SYNE2: variants seen among roughly 807,000 people sequenced by gnomAD.
The protein encoded by SYNE2 is nesprin-2.
SYNE2 carries 431 observed loss-of-function variants against 856.3 expected under a neutral mutation model. That is an observed-to-expected ratio of 0.50 (90% CI 0.47 to 0.55). The LOEUF (loss-of-function observed/expected upper bound fraction) is 0.55. Ranked by LOEUF, SYNE2 falls within the 20% of genes least tolerant of loss-of-function variation. The pLI, the probability that SYNE2 is intolerant of heterozygous loss-of-function variation, is 0.00. For missense variants in SYNE2, 8,129 were observed against 8,023.2 expected (o/e 1.01, Z -0.50); for synonymous variants, 2,923 against 2,872.3 (o/e 1.02, Z -0.56).
intron 55 of SYNE2, among the ~76,000 whole-genome samples, chr14:64,079,945 A>G (rs1033179233): frequency 6.6e-6 from 1 of 152,092 alleles, no homozygotes; most frequent in African/African-American, 2.4e-5. Context: ...AGCAGCCCAC[A>G]CACCTTGGCC....
At chr14:63,761,979 C>A in exon 1 of SYNE2, 3 of 379,334 alleles carry the variant, frequency 7.9e-6, no homozygotes, top group Admixed American at 2.7e-5. Flanking sequence ...CCAGTGACAG[C>A]GTGAGAGGTA....
At chr14:63,806,699 A>G (rs1888372694) in intron 1 of SYNE2, among the ~76,000 whole-genome samples, 1 of 151,748 alleles carries the variant, frequency 6.6e-6, no homozygotes, top group African/African-American at 2.4e-5. Context: ...GGCTTTTTGT[A>G]TTGCTTTCTT....
At chr14:63,975,126 A>G (rs1426744667) in intron 11 of SYNE2, among the ~76,000 whole-genome samples, 2 of 151,348 alleles carry the variant, frequency 1.3e-5, no homozygotes, top group African/African-American at 4.9e-5. Flanking sequence ...AGGGGGTTGT[A>G]TTAAATTGCT....
At chr14:64,101,016 A>G (rs2097724642) in intron 63 of SYNE2, among the ~76,000 whole-genome samples, 1 of 152,144 alleles carries the variant, frequency 6.6e-6, no homozygotes, top group Non-Finnish European at 1.5e-5. Context: ...GTATTTCAGT[A>G]TGTGTATATA....
intron 65 of SYNE2, among the ~76,000 whole-genome samples, chr14:64,111,625 C>T (rs1455103777): frequency 1.3e-5 from 2 of 151,934 alleles, no homozygotes; most frequent in Admixed American, 6.6e-5. Flanking sequence ...ATGACAAAAC[C>T]CTGCCTCTAC....
rs1241157523 is a variant in SYNE2 at position 64,100,529 on chromosome 14, AAAATATATATATATATATATAT to A, written c.12382-1401_12382-1380del. Among the ~76,000 whole-genome samples the A allele has an allele frequency of 3.3e-4, 19 of 57,640 alleles. 1 individual carries two copies. The highest frequency in any genetic ancestry group is 1.3e-3 in the Admixed American group (6 of 4,720). The allele number at this position is 57,640 out of a possible 152,430, so 37.8% of individuals were successfully genotyped here. On this transcript the variant is annotated intron_variant, in intron 63 of 115. Transcript: ENST00000555002. ...AAAACTGTCTCAAAAAAAAAAAAAA[AAAATATATATATATATATATAT>A]ATATATATATATATATATATTTATG...
intron 70 of SYNE2, among the ~76,000 whole-genome samples, chr14:64,123,898 T>C (rs946659608): frequency 7.9e-5 from 12 of 151,898 alleles, no homozygotes; most frequent in Non-Finnish European, 1.5e-4. Context: ...CACCTTTTTT[T>C]TTTTTTTTTA....
chr14:63,807,841 A>ATATATATATATATATATG (rs2139816482), intron 1 of SYNE2, among the ~76,000 whole-genome samples: 1 of 98,352 alleles, frequency 1.0e-5, no homozygotes, highest in South Asian at 3.8e-4. Context: ...ATATATATAT[A>ATATATATATATATATATG]TATATATATA....
intron 11 of SYNE2, among the ~76,000 whole-genome samples, chr14:63,969,866 G>T (rs992873664): frequency 1.2e-4 from 19 of 152,062 alleles, no homozygotes. Flanking sequence ...AAATCTGTGG[G>T]AATCTGTCTT....
chr14:64,040,674 A>C (rs1323541055), intron 45 of SYNE2, among the ~76,000 whole-genome samples: 2 of 147,752 alleles, frequency 1.4e-5, no homozygotes, highest in African/African-American at 5.0e-5. Context: ...ATATATGTGT[A>C]TATATTTCTG....
At chr14:64,043,693 GAAGTC>G (rs1394957611) in intron 45 of SYNE2, among the ~76,000 whole-genome samples, 1 of 152,232 alleles carries the variant, frequency 6.6e-6, no homozygotes, top group African/African-American at 2.4e-5. Context: ...TGGGTACACA[GAAGTC>G]AAGAAATGAG....
rs1484721302 is a variant in SYNE2 at position 64,089,628 on chromosome 14, A to C, written c.11725A>C (p.Ile3909Leu). The change falls in exon 59 of 116, where the codon ATC (isoleucine) becomes CTC (leucine). Residue 3909 changes from isoleucine to leucine, a missense_variant. By Grantham distance (5) the Ile-to-Leu change is conservative (BLOSUM62 2). Coordinates refer to ENST00000555002, the MANE Select transcript of SYNE2 (RefSeq NM_182914.3). The stretch of plus-strand genomic sequence containing the variant: ...ATCAATGGAAAAAAGAGTTTCAAAA[A>C]TCAAAACTATCCTATTATCAAAAGA... ...VKSMEKRVSK[I>L]KTILLSKEIF... 9 of 1,606,470 alleles carry C rather than the reference A, an allele frequency of 5.6e-6. No individual in the cohort carries two copies. The highest frequency in any genetic ancestry group is 1.7e-4 in the Middle Eastern group (1 of 6,024).
chr14:64,017,213 C>G (rs2096898760), intron 33 of SYNE2, among the ~76,000 whole-genome samples: 1 of 150,348 alleles, frequency 6.7e-6, no homozygotes, highest in South Asian at 2.1e-4. Flanking sequence ...CCTGTAATCT[C>G]AACTACACGG....
intron 1 of SYNE2, among the ~76,000 whole-genome samples, chr14:63,901,449 A>C (rs2095335700): frequency 2.0e-5 from 3 of 152,222 alleles, no homozygotes. Context: ...CGCAGATAAA[A>C]AGAAAATAAA....
rs748082924 is a variant in SYNE2 at position 64,122,083 on chromosome 14, G to T, written c.13230G>T (p.Trp4410Cys). ...TAGAATTTAATGCTAAGAAAATGTG[G>T]CCCCAGTATTGCCAACATGATAACG... ...KFIEFNAKKM[W>C]PQYCQHDNDT... Residue 4410 changes from tryptophan (W) to cysteine (C), a missense_variant, in exon 69 of 116, where the codon TGG becomes TGT. Transcript: ENST00000555002. 2 of 1,613,986 alleles carry T rather than the reference G, an allele frequency of 1.2e-6. No individual in the cohort carries two copies. Among genetic ancestry groups the T allele is most frequent in the South Asian group, 2.2e-5 (2 of 91,078 alleles).
chr14:64,209,413 C>A lies in SYNE2; in HGVS notation c.18390-15C>A. 1 of 1,614,224 alleles carries A rather than the reference C, an allele frequency of 6.2e-7. No homozygotes were observed. The highest frequency in any genetic ancestry group is 8.5e-7 in the Non-Finnish European group (1 of 1,180,046). Reference sequence around the variant, plus strand: ...GGAGGGGATGGCTTGTGTTAAGTTGCTTTGCTCCCATCAGAATCGAGGAGA... The same window carrying A: ...GGAGGGGATGGCTTGTGTTAAGTTGATTTGCTCCCATCAGAATCGAGGAGA... On this transcript the variant is annotated splice_polypyrimidine_tract_variant and intron_variant, in intron 101 of 115. Transcript: ENST00000555002.
Position 64,159,413 on chromosome 14 carries a change from C to T in SYNE2, c.16065C>T (p.Ile5355=), listed in dbSNP as rs36002764. ...KGLCPSVAEI[I]EEKCQNTHKR... ...TCTGCCCCTCTGTTGCTGAAATAAT[C>T]GAAGAGAAATGCCAAAATACTCATA... is the stretch of plus-strand genomic sequence containing the variant. The change falls in exon 87 of 116, where the codon ATC becomes ATT. Residue 5355 remains isoleucine, a synonymous_variant. Coordinates refer to ENST00000555002, the MANE Select transcript of SYNE2 (RefSeq NM_182914.3). 8 of 1,613,642 alleles carry T rather than the reference C, an allele frequency of 5.0e-6. No individual in the cohort carries two copies. Among genetic ancestry groups the T allele is most frequent in the East Asian group, 2.2e-5 (1 of 44,880 alleles).
intron 96 of SYNE2, among the ~76,000 whole-genome samples, chr14:64,181,745 G>T (rs1312500349): frequency 2.6e-5 from 4 of 151,930 alleles, no homozygotes; most frequent in Non-Finnish European, 4.4e-5. Context: ...AAAAGAAAAA[G>T]ATAAAAGATA....
At chr14:63,903,722 GT>G (rs1446411497) in intron 1 of SYNE2, among the ~76,000 whole-genome samples, 4 of 149,864 alleles carry the variant, frequency 2.7e-5, no homozygotes, top group Non-Finnish European at 5.9e-5. Context: ...TTATTGTTTT[GT>G]TTTTATTTTT....
Sources: allele counts gnomAD v4.1 joint callset (sites outside exome capture counted in the v4.1 genomes callset), GRCh38; gene constraint gnomAD v4.1.1; transcripts MANE v1.5; gene names NCBI Gene and HGNC (gene_info 2026-07-23, HGNC 2026-07-21).